The following LHX9 variants were observed in gnomAD, a reference collection of about 807,000 sequenced individuals.
The protein encoded by LHX9 is LIM/homeobox protein Lhx9.
A neutral mutation model predicts 36.5 loss-of-function variants in LHX9; 9 were observed. That is an observed-to-expected ratio of 0.25 (90% CI 0.15 to 0.43). LHX9 has a LOEUF of 0.43. Ranked by LOEUF, LHX9 falls within the 20% of genes least tolerant of loss-of-function variation. The probability of loss-of-function intolerance (pLI) is 1.00; values close to 1 mark genes in which losing one functional copy is unlikely to be tolerated. For missense variants in LHX9, 464 were observed against 526.4 expected, an observed-to-expected ratio of 0.88 and a Z score of 1.16; for synonymous variants, 211 against 212.1, an observed-to-expected ratio of 0.99 and a Z score of 0.04.
intron 3 of LHX9, among the ~76,000 whole-genome samples, chr1:197,926,265 G>C (rs1356116046): frequency 6.9e-6 from 1 of 144,822 alleles, no homozygotes; most frequent in Non-Finnish European, 1.5e-5. Flanking sequence ...CACATTAAGG[G>C]ATGCCTCCCT....
At chr1:197,924,307 T>C (rs1660083619) in intron 3 of LHX9, among the ~76,000 whole-genome samples, 1 of 152,242 alleles carries the variant, frequency 6.6e-6, no homozygotes, top group South Asian at 2.1e-4. Flanking sequence ...CTAAACTAAG[T>C]ATAATTTACA....
rs1660306385 is a variant in LHX9 at position 197,930,684 on chromosome 1, A to G, written c.*1425A>G. The stretch of plus-strand genomic sequence containing the variant: ...TCTGGCTGTATAAATGTGTGGTTAC[A>G]TATTGACAGTTCACTGCCCACATTA... On this transcript the variant is annotated 3_prime_UTR_variant, in exon 5 of 5. Transcript: ENST00000367387. 2 of 152,044 alleles carry G rather than the reference A, an allele frequency of 1.3e-5. No individual in the cohort carries two copies. The highest frequency in any genetic ancestry group is 2.4e-5 in the African/African-American group (1 of 41,456). 9.4% of individuals were successfully genotyped at this position (152,044 alleles called of 1,614,324 possible).
chr1:197,933,726 C>A lies in LHX9; in HGVS notation c.*4467C>A. ...AAAAAAAATACAAATTTGAAACAGG[C>A]ACATTTTTTAAAACCAAAAAAAAAA... On this transcript the variant is annotated 3_prime_UTR_variant, in exon 5 of 5. Coordinates refer to ENST00000367387, the MANE Select transcript of LHX9 (RefSeq NM_020204.3). 8.0e-6 allele frequency: 1 copy of A among 124,732 alleles called. No homozygotes were observed. Among genetic ancestry groups the A allele is most frequent in the Non-Finnish European group, 1.6e-5 (1 of 61,430 alleles). 7.7% of individuals were successfully genotyped at this position (124,732 alleles called of 1,614,324 possible).
At position 197,930,803 on chromosome 1, in the gene LHX9, C is replaced by T. The variant is rs1267778008; in HGVS notation, c.*1544C>T. ...AAAAAGATGATGGAAGATAAGTTAA[C>T]ACTGTAACAGAAGAAAGGTGTGATT... On this transcript the variant is annotated 3_prime_UTR_variant, in exon 5 of 5. Transcript: ENST00000367387. 6.6e-6 allele frequency: 1 copy of T among 151,924 alleles called. No homozygotes were observed. The allele number at this position is 151,924 out of a possible 1,614,324, so 9.4% of individuals were successfully genotyped here.
At chr1:197,926,139 T>C (rs1660135128) in intron 3 of LHX9, among the ~76,000 whole-genome samples, 1 of 152,278 alleles carries the variant, frequency 6.6e-6, no homozygotes, top group African/African-American at 2.4e-5. Flanking sequence ...AACTTCTGTA[T>C]TTCTGTAAAT....
intron 1 of LHX9, among the ~76,000 whole-genome samples, chr1:197,919,617 G>A (rs1659902372): frequency 6.6e-6 from 1 of 152,094 alleles, no homozygotes; most frequent in Non-Finnish European, 1.5e-5. Flanking sequence ...TTTATTTTGT[G>A]TGCGTCGAAA....
chr1:197,916,202 T>C (rs567455612), upstream of LHX9: 9 of 162,498 alleles, frequency 5.5e-5, no homozygotes, highest in Non-Finnish European at 1.1e-4. Context: ...TATCAGAGTA[T>C]TGTGGACACT....
chr1:197,927,954 C>G lies in LHX9; in HGVS notation c.936+161C>G, dbSNP rs1444548021. ...AGGGTGTTCTGAGATTTTGCAGGGG[C>G]TTCCTGGAGGGTTCCCAAACAGAGA... On this transcript the variant is annotated intron_variant, in intron 4 of 4. Transcript: ENST00000367387. 2.0e-5 allele frequency among the ~76,000 whole-genome samples: 3 copies of G among 152,180 alleles called. No individual in the cohort carries two copies. The East Asian group carries it at 5.8e-4, about 29-fold the overall frequency.
Position 197,929,470 on chromosome 1 carries a change from C to A in LHX9, c.*211C>A. ...CCTTTAAGTGAATATATTTTGTCTACAAAGTGTATTTGGATTTAAAAAAAT... is the reference window on the plus strand; with the variant it reads ...CCTTTAAGTGAATATATTTTGTCTAAAAAGTGTATTTGGATTTAAAAAAAT... On this transcript the variant is annotated 3_prime_UTR_variant, in exon 5 of 5. Coordinates refer to ENST00000367387, the MANE Select transcript of LHX9 (RefSeq NM_020204.3). 9.4e-7 allele frequency: 1 copy of A among 1,059,380 alleles called. No individual in the cohort carries two copies. Among genetic ancestry groups the A allele is most frequent in the Non-Finnish European group, 1.1e-6 (1 of 876,622 alleles). The allele number at this position is 1,059,380 out of a possible 1,614,324, so 65.6% of individuals were successfully genotyped here.
chr1:197,919,008 G>C (rs527328555), intron 1 of LHX9, among the ~76,000 whole-genome samples: 99 of 152,302 alleles, frequency 6.5e-4, no homozygotes, highest in African/African-American at 2.0e-3. Flanking sequence ...CCCCTGGTCG[G>C]AGTAAAGGGC....
upstream of LHX9, chr1:197,916,368 C>T (rs1415487923): frequency 4.4e-5 from 16 of 364,216 alleles, no homozygotes; most frequent in Non-Finnish European, 5.5e-5. Context: ...TCTGAGTGTG[C>T]GGGTGCGCCC....
rs1160547334 is a variant in LHX9, at chr1:197,929,980, T to C, written c.*721T>C. ...ATTTGAAAAATACTTAAGCTCCCTA[T>C]GTATCCATGAAAATTCCGCATTGAT... On this transcript the variant is annotated 3_prime_UTR_variant, in exon 5 of 5. Coordinates refer to ENST00000367387, the MANE Select transcript of LHX9 (RefSeq NM_020204.3). The C allele has an allele frequency of 3.0e-6, 3 of 984,836 alleles. No individual in the cohort carries two copies. Among genetic ancestry groups the C allele is most frequent in the Non-Finnish European group, 3.6e-6 (3 of 829,252 alleles). 61.0% of individuals were successfully genotyped at this position (984,836 alleles called of 1,614,324 possible).
At chr1:197,924,604 A>T (rs1422324112) in intron 3 of LHX9, among the ~76,000 whole-genome samples, 8 of 152,348 alleles carry the variant, frequency 5.3e-5, no homozygotes, top group African/African-American at 1.7e-4. Context: ...ACATTAATTG[A>T]GAGATTAAAC....
At chr1:197,916,766 T>C (rs1009434105), upstream of LHX9, 1 of 702,816 alleles carries the variant, frequency 1.4e-6, no homozygotes, top group African/African-American at 1.7e-5. Context: ...GGCAAAGAGA[T>C]GAATTGTCAG....
chr1:197,928,435 T>C (rs1660214308), intron 4 of LHX9, among the ~76,000 whole-genome samples: 1 of 152,246 alleles, frequency 6.6e-6, no homozygotes, highest in Non-Finnish European at 1.5e-5. Flanking sequence ...CTCTCACTTC[T>C]TGGTGACAAA....
rs371329562 is a variant in LHX9 at position 197,921,638 on chromosome 1, G to C, written c.712G>C (p.Asp238His). Residue 238 changes from aspartate (D) to histidine (H), a missense_variant, in exon 3 of 5, where the codon GAC becomes CAC. Asp to His is a moderately conservative substitution (Grantham distance 81, BLOSUM62 -1). This residue lies in a region of LHX9 where 130 missense variants were observed against 109.6 expected (regional missense o/e 1.19). Transcript: ENST00000367387. The surrounding 1 kb of genome is among the most constrained non-coding windows in gnomAD (Gnocchi z 4.6). ...RKRKSPALGV[D>H]IVNYNSGCNE... ...GCGGAAGAGCCCAGCGCTGGGAGTG[G>C]ACATCGTCAATTACAACTCAGGTGT... 3.1e-5 allele frequency: 50 copies of C among 1,591,494 alleles called. No homozygotes were observed. The African/African-American group carries it at 5.9e-4, about 19-fold the overall frequency.
At chr1:197,924,015 T>C (rs940495626) in intron 3 of LHX9, among the ~76,000 whole-genome samples, 1 of 152,200 alleles carries the variant, frequency 6.6e-6, no homozygotes, top group Non-Finnish European at 1.5e-5. Context: ...ATAGTATATA[T>C]ATTTTAAAGA....
At chr1:197,916,600 G>A, upstream of LHX9, 1 of 700,616 alleles carries the variant, frequency 1.4e-6, no homozygotes, top group South Asian at 1.5e-5. Flanking sequence ...TTGCGTACCC[G>A]TGTGTACAGG....
intron 3 of LHX9, among the ~76,000 whole-genome samples, chr1:197,923,989 C>T (rs960564663): frequency 6.6e-6 from 1 of 151,954 alleles, no homozygotes; most frequent in African/African-American, 2.4e-5. Context: ...TGGACTTTTC[C>T]CAGAGATACT....
Sources: allele counts gnomAD v4.1 joint callset (sites outside exome capture counted in the v4.1 genomes callset), GRCh38; gene constraint gnomAD v4.1.1; regional missense constraint gnomAD v4.1.1; non-coding constraint Gnocchi (gnomAD v3.1); transcripts MANE v1.5; gene names NCBI Gene and HGNC (gene_info 2026-07-23, HGNC 2026-07-21).